Variants in UBE2D2 observed in about 807,000 individuals in gnomAD.
UBE2D2 encodes ubiquitin conjugating enzyme E2 D2.
In UBE2D2, 2 loss-of-function variants were observed where a neutral mutation model predicts 24.2. The observed-to-expected ratio is 0.08, with a 90% CI of 0.03 to 0.26. The LOEUF (loss-of-function observed/expected upper bound fraction) is 0.26. Ranked by LOEUF, UBE2D2 falls within the 10% of genes least tolerant of loss-of-function variation. The pLI, the probability that UBE2D2 is intolerant of heterozygous loss-of-function variation, is 1.00. For synonymous variants in UBE2D2, 58 were observed against 56.5 expected, an observed-to-expected ratio of 1.03 and a Z score of -0.12; for missense variants, 44 against 177.6, an observed-to-expected ratio of 0.25 and a Z score of 4.28.
At chr5:139,536,815 TG>T (rs368406016) in intron 1 of UBE2D2, among the ~76,000 whole-genome samples, 2 of 152,258 alleles carry the variant, frequency 1.3e-5, no homozygotes, top group African/African-American at 4.8e-5. Context: ...TATATTATTT[TG>T]AAGTAAATCC....
intron 1 of UBE2D2, among the ~76,000 whole-genome samples, chr5:139,545,614 C>CA: frequency 6.7e-6 from 1 of 149,402 alleles, no homozygotes; most frequent in East Asian, 2.0e-4. Flanking sequence ...TTAGTAGAGA[C>CA]AGAGTTTCAC....
chr5:139,603,898 G>T (rs953353341), intron 2 of UBE2D2, among the ~76,000 whole-genome samples: 1 of 151,894 alleles, frequency 6.6e-6, no homozygotes, highest in East Asian at 1.9e-4. Context: ...GCAGTGAGCC[G>T]AGATCACGCC....
intron 1 of UBE2D2, among the ~76,000 whole-genome samples, chr5:139,553,398 C>T (rs770537731): frequency 3.9e-5 from 6 of 152,192 alleles, no homozygotes; most frequent in Non-Finnish European, 8.8e-5. Flanking sequence ...CAGCAGTCAT[C>T]TGTCTATTTA....
intron 1 of UBE2D2, among the ~76,000 whole-genome samples, chr5:139,537,299 A>C (rs930551375): frequency 2.0e-5 from 3 of 152,098 alleles, no homozygotes; most frequent in African/African-American, 7.2e-5. Context: ...TTTGAAGCGG[A>C]ATGTAAACAG....
intron 5 of UBE2D2, among the ~76,000 whole-genome samples, chr5:139,615,537 G>A (rs1184864535): frequency 6.6e-6 from 1 of 151,876 alleles, no homozygotes; most frequent in African/African-American, 2.4e-5. Flanking sequence ...AGAGCATAAA[G>A]TAGAGCACAA....
At chr5:139,620,169 G>C (rs1475832802) in intron 5 of UBE2D2, among the ~76,000 whole-genome samples, 1 of 152,040 alleles carries the variant, frequency 6.6e-6, no homozygotes, top group African/African-American at 2.4e-5. Context: ...CCAACGTTGG[G>C]GATTACAGTT....
At chr5:139,568,646 A>T (rs1262332028) in intron 1 of UBE2D2, among the ~76,000 whole-genome samples, 1 of 150,546 alleles carries the variant, frequency 6.6e-6, no homozygotes, top group Non-Finnish European at 1.5e-5. Flanking sequence ...GACAGAGCGA[A>T]ACTCTGTCTA....
At chr5:139,566,821 T>C (rs1753230879) in intron 1 of UBE2D2, among the ~76,000 whole-genome samples, 1 of 151,876 alleles carries the variant, frequency 6.6e-6, no homozygotes, top group Admixed American at 6.6e-5. Context: ...CTGCAAATGT[T>C]GCTATTGCTA....
upstream of UBE2D2, among the ~76,000 whole-genome samples, chr5:139,560,792 T>A (rs553909944): frequency 1.3e-5 from 2 of 152,100 alleles, no homozygotes; most frequent in African/African-American, 4.8e-5. Context: ...ATTCAAATCC[T>A]CTCCATCTGG....
At chr5:139,621,129 T>C (rs1468371423) in intron 5 of UBE2D2, among the ~76,000 whole-genome samples, 1 of 152,144 alleles carries the variant, frequency 6.6e-6, no homozygotes, top group African/African-American at 2.4e-5. Flanking sequence ...TCACCTGTAG[T>C]CTTACCTGGA....
chr5:139,526,446 C>T (rs932597823), exon 1 of UBE2D2: 11 of 152,376 alleles, frequency 7.2e-5, no homozygotes, highest in African/African-American at 2.6e-4. Context: ...CTGTGGGGGA[C>T]TCCGGCCAGC....
At chr5:139,577,228 T>C (rs1753493438) in intron 1 of UBE2D2, among the ~76,000 whole-genome samples, 1 of 152,044 alleles carries the variant, frequency 6.6e-6, no homozygotes, top group Non-Finnish European at 1.5e-5. Flanking sequence ...AGTATTACTT[T>C]TAAGTTTCAA....
At chr5:139,550,834 G>A (rs947752050) in intron 1 of UBE2D2, among the ~76,000 whole-genome samples, 2 of 152,090 alleles carry the variant, frequency 1.3e-5, no homozygotes, top group Admixed American at 1.3e-4. Flanking sequence ...CTCCAAACAC[G>A]TCTGAACATC....
chr5:139,612,608 TAGA>T (rs746139948), intron 2 of UBE2D2, among the ~76,000 whole-genome samples: 2 of 152,258 alleles, frequency 1.3e-5, no homozygotes, highest in South Asian at 4.1e-4. Flanking sequence ...AAGAATTAAG[TAGA>T]AGAACAGGTC....
rs776587182 is a variant in UBE2D2 at position 139,546,813 on chromosome 5, TCTTTCTTC to T, written c.-64+20205_-64+20212del. Among the ~76,000 whole-genome samples, 88 of 128,332 alleles carry T rather than the reference TCTTTCTTC, an allele frequency of 6.9e-4. No homozygotes were observed. The East Asian group carries it at 7.7e-3, about 11-fold the overall frequency. The allele number at this position is 128,332 out of a possible 152,430, so 84.2% of individuals were successfully genotyped here. A position where few individuals can be genotyped will look rare whatever the true frequency, so the allele number is the denominator to read the frequency against. On this transcript the variant is annotated intron_variant, in intron 1 of 6. Transcript: ENST00000511725. ...AAATTTTCTTTCTTTCTTTCTTCTT[TCTTTCTTC>T]CTTCCTTCCTTCCTTCCTTCCTTCC...
rs1270120413 is a variant in UBE2D2, at chr5:139,561,731, T to C, written c.-61T>C. 2 of 1,336,106 alleles carry C rather than the reference T, an allele frequency of 1.5e-6. No individual in the cohort carries two copies. The highest frequency in any genetic ancestry group is 1.4e-5 in the South Asian group (1 of 71,158). The allele number at this position is 1,336,106 out of a possible 1,614,324, so 82.8% of individuals were successfully genotyped here. The stretch of plus-strand genomic sequence containing the variant: ...AGGCGGCCTCAGGCTCCCTAGCCCC[T>C]TCCCCGTCCCTTCCCCGCCCCCGTC... On this transcript the variant is annotated 5_prime_UTR_variant, in exon 1 of 7. Transcript: ENST00000398733.
intron 1 of UBE2D2, among the ~76,000 whole-genome samples, chr5:139,593,261 T>A (rs1753884773): frequency 6.6e-6 from 1 of 152,104 alleles, no homozygotes; most frequent in South Asian, 2.1e-4. Flanking sequence ...CCCAAAGTGC[T>A]GGGATTATAG....
At chr5:139,549,766 GC>G (rs1360814234) in intron 1 of UBE2D2, among the ~76,000 whole-genome samples, 2 of 152,224 alleles carry the variant, frequency 1.3e-5, no homozygotes, top group Admixed American at 6.5e-5. Flanking sequence ...CTCCGCCCCG[GC>G]CCAGCACAGG....
intron 1 of UBE2D2, among the ~76,000 whole-genome samples, chr5:139,576,579 G>A (rs1753475051): frequency 6.6e-6 from 1 of 151,954 alleles, no homozygotes; most frequent in African/African-American, 2.4e-5. Flanking sequence ...TTGTTAGCCA[G>A]GATGGTCTCA....
Sources: allele counts gnomAD v4.1 joint callset (sites outside exome capture counted in the v4.1 genomes callset), GRCh38; gene constraint gnomAD v4.1.1; transcripts MANE v1.5; gene names NCBI Gene and HGNC (gene_info 2026-07-23, HGNC 2026-07-21).